The following RANBP2 variants were observed in gnomAD, a reference collection of about 807,000 sequenced individuals.
RANBP2 encodes RAN binding protein 2, also known as E3 SUMO-protein ligase RanBP2.
In RANBP2, 57 loss-of-function variants were observed where a neutral mutation model predicts 303.6. The ratio of observed to expected loss-of-function variants is 0.19; its 90% confidence interval spans 0.15 to 0.23. The LOEUF is 0.23. RANBP2 is among the 10% of genes least tolerant of loss of function. The probability of loss-of-function intolerance (pLI) is 1.00; values close to 1 mark genes in which losing one functional copy is unlikely to be tolerated. For synonymous variants in RANBP2, 1,167 were observed against 1,301.5 expected (o/e 0.90, Z 2.23); for missense variants, 3,138 against 3,780.8 (o/e 0.83, Z 4.46).
At chr2:109,490,945 A>G in the RANBP2 span, 1 of 1,477,186 alleles carries the variant, frequency 6.8e-7, no homozygotes, top group South Asian at 1.4e-5. Flanking sequence ...AGGTAAGTGC[A>G]GGGGCTTGTC....
chr2:108,764,953 T>C lies in RANBP2; in HGVS notation c.4414T>C (p.Phe1472Leu), dbSNP rs1677011100. 1.2e-6 allele frequency: 2 copies of C among 1,613,946 alleles called. No individual in the cohort carries two copies. The highest frequency in any genetic ancestry group is 1.3e-5 in the African/African-American group (1 of 74,910). ...GDLPKPINSD[F>L]RSVFSTKEGQ... ...TCTTCCTAAACCTATTAACAGTGATTTCAGATCTGTTTTTTCTACAAAGGA... is the reference window on the plus strand; with the variant it reads ...TCTTCCTAAACCTATTAACAGTGATCTCAGATCTGTTTTTTCTACAAAGGA... The change falls in exon 20 of 29, where the codon TTC (phenylalanine) becomes CTC (leucine). Residue 1472 changes from phenylalanine (F) to leucine (L), a missense_variant. Coordinates refer to ENST00000283195, the MANE Select transcript of RANBP2 (RefSeq NM_006267.5).
chr2:109,152,358 A>G, the RANBP2 span, among the ~76,000 whole-genome samples: 2 of 152,142 alleles, frequency 1.3e-5, no homozygotes, highest in African/African-American at 2.4e-5. Flanking sequence ...CATTTGGCAA[A>G]TCCCTCTTAT....
At chr2:109,348,291 A>G in the RANBP2 span, among the ~76,000 whole-genome samples, 2 of 152,224 alleles carry the variant, frequency 1.3e-5, no homozygotes, top group Non-Finnish European at 2.9e-5. Context: ...GTGCAGCAGA[A>G]TGACGCCTTT....
chr2:109,658,428 G>A, the RANBP2 span, among the ~76,000 whole-genome samples: 4 of 150,920 alleles, frequency 2.7e-5, no homozygotes, highest in Admixed American at 2.0e-4. Context: ...CCTGGGTGAT[G>A]AGCAAGACTC....
chr2:109,559,909 GCC>G, the RANBP2 span, among the ~76,000 whole-genome samples: 1 of 115,156 alleles, frequency 8.7e-6, no homozygotes, highest in Non-Finnish European at 1.7e-5. Context: ...TCCAACCAAT[GCC>G]TTTTTTTTTT....
the RANBP2 span, among the ~76,000 whole-genome samples, chr2:108,901,652 T>G: frequency 1.3e-5 from 2 of 152,164 alleles, no homozygotes; most frequent in Non-Finnish European, 2.9e-5. Context: ...AAACAGATAA[T>G]AAGATAAAAC....
chr2:109,394,864 A>G, the RANBP2 span, among the ~76,000 whole-genome samples: 8 of 152,318 alleles, frequency 5.3e-5, no homozygotes, highest in East Asian at 5.8e-4. Flanking sequence ...GTCTGCACCA[A>G]CTTGCAGAGT....
At chr2:109,504,236 G>A in the RANBP2 span, 22 of 152,348 alleles carry the variant, frequency 1.4e-4, no homozygotes, top group Admixed American at 7.8e-4. Context: ...GCCCCATGAT[G>A]TACACATCTT....
chr2:109,484,550 T>C, the RANBP2 span, among the ~76,000 whole-genome samples: 1 of 152,078 alleles, frequency 6.6e-6, no homozygotes, highest in Non-Finnish European at 1.5e-5. Context: ...GCCCGCCCCC[T>C]CCTGTGGAGT....
chr2:109,772,451 T>G, the RANBP2 span, among the ~76,000 whole-genome samples: 1 of 85,720 alleles, frequency 1.2e-5, no homozygotes, highest in Non-Finnish European at 2.3e-5. Flanking sequence ...GGGAGCGGGG[T>G]AGGGATATGG....
At chr2:109,080,263 A>G in the RANBP2 span, among the ~76,000 whole-genome samples, 1 of 148,896 alleles carries the variant, frequency 6.7e-6, no homozygotes. Context: ...CTGAGAGGGC[A>G]GCAGTTTGAG....
the RANBP2 span, chr2:108,910,654 C>G: frequency 7.1e-7 from 1 of 1,418,322 alleles, no homozygotes; most frequent in Non-Finnish European, 9.9e-7. Context: ...CACCACCCCA[C>G]GGTAAGCACA....
chr2:109,588,099 T>C, the RANBP2 span, among the ~76,000 whole-genome samples: 3 of 150,820 alleles, frequency 2.0e-5, no homozygotes, highest in South Asian at 4.2e-4. Flanking sequence ...CCCTATAAAA[T>C]GCCCCCCGCC....
chr2:109,206,887 C>T, the RANBP2 span, among the ~76,000 whole-genome samples: 415 of 152,350 alleles, frequency 2.7e-3, 4 homozygotes, highest in African/African-American at 9.6e-3. Context: ...AGTGCCCCTT[C>T]TGCCCAGTCA....
Position 108,735,738 on chromosome 2 carries a change from T to G in RANBP2, c.612T>G (p.Asn204Lys), listed in dbSNP as rs994626423. 8.3e-5 allele frequency: 132 copies of G among 1,597,478 alleles called. No homozygotes were observed. Among genetic ancestry groups the G allele is most frequent in the Non-Finnish European group, 1.0e-4 (122 of 1,179,796 alleles). The change falls in exon 5 of 29, where the codon AAT becomes AAG. Residue 204 changes from asparagine to lysine, a missense_variant. Physicochemically the swap from Asn to Lys is moderately conservative, Grantham distance 94. Transcript: ENST00000283195. ...NIALRSSLEW[N>K]SCVVQTLKEY... The stretch of plus-strand genomic sequence containing the variant: ...CTTTGCGTTCAAGTTTAGAATGGAA[T>G]TCGTGTGTTGTACAGACCCTTAAGG...
the RANBP2 span, among the ~76,000 whole-genome samples, chr2:109,378,498 G>C: frequency 2.0e-5 from 3 of 152,170 alleles, no homozygotes; most frequent in African/African-American, 7.2e-5. Context: ...TGCTTCTGAG[G>C]CACCCTCCTT....
chr2:109,393,041 G>A, the RANBP2 span, among the ~76,000 whole-genome samples: 5 of 152,196 alleles, frequency 3.3e-5, 1 homozygote, highest in African/African-American at 1.2e-4. Context: ...TCGAAGTCCA[G>A]CCCAGCCCAG....
chr2:108,761,599 T>A (rs1237115203), intron 18 of RANBP2, among the ~76,000 whole-genome samples: 1 of 152,126 alleles, frequency 6.6e-6, no homozygotes, highest in Non-Finnish European at 1.5e-5. Context: ...TTTTATGTTA[T>A]TTATGACATC....
the RANBP2 span, chr2:109,449,234 G>C: frequency 6.2e-7 from 1 of 1,613,234 alleles, no homozygotes; most frequent in Non-Finnish European, 8.5e-7. Context: ...TGCGCACCCA[G>C]AACTCTCCAT....
Sources: gnomAD v4.1 joint callset for allele counts (sites outside exome capture counted in the v4.1 genomes callset) on GRCh38, gnomAD v4.1.1 for gene constraint, MANE v1.5 for transcripts, NCBI Gene and HGNC (gene_info 2026-07-23, HGNC 2026-07-21) for gene names.